The following UMODL1 variants were observed in gnomAD, a reference collection of about 807,000 sequenced individuals.
UMODL1 encodes the protein uromodulin-like 1.
UMODL1 carries 128 observed loss-of-function variants against 136.3 expected under a neutral mutation model. The observed-to-expected ratio is 0.94, with a 90% CI of 0.81 to 1.09. The LOEUF (loss-of-function observed/expected upper bound fraction) is 1.09. Ranked by LOEUF, UMODL1 falls within the 50% of genes least tolerant of loss-of-function variation. UMODL1 has a pLI of 0.00. For missense variants in UMODL1, 1,766 were observed against 1,725.6 expected (o/e 1.02, Z -0.41); for synonymous variants, 721 against 720.0 (o/e 1.00, Z -0.02).
At chr21:42,130,085 A>G (rs1412561589) in intron 21 of UMODL1, among the ~76,000 whole-genome samples, 1 of 152,238 alleles carries the variant, frequency 6.6e-6, no homozygotes, top group Admixed American at 6.5e-5. Context: ...AGGCTTCAAG[A>G]GGCCAGGCAC....
At position 42,123,685 on chromosome 21, in the gene UMODL1, T is replaced by A. The variant is rs2067011559; in HGVS notation, c.3147+535T>A. 1.3e-5 allele frequency among the ~76,000 whole-genome samples: 2 copies of A among 152,014 alleles called. No homozygotes were observed. The highest frequency in any genetic ancestry group is 4.1e-4 in the South Asian group (2 of 4,820). On this transcript the variant is annotated intron_variant, in intron 17 of 22. Transcript: ENST00000408910. This position sits in a 1 kb window ranked among gnomAD's most constrained non-coding sequence, Gnocchi z 4.4. Reference sequence around the variant, plus strand: ...GTGCTTGTGTGCGTGTGGGTGTGCATGCATGTATGAATGTGTGAGTGTGTG... The same window carrying A: ...GTGCTTGTGTGCGTGTGGGTGTGCAAGCATGTATGAATGTGTGAGTGTGTG...
rs200295019 is a variant in UMODL1, at chr21:42,111,309, C to T, written c.1899+188C>T. 557 of 1,392,294 alleles carry T rather than the reference C, an allele frequency of 4.0e-4. No homozygotes were observed. The highest frequency in any genetic ancestry group is 3.9e-3 in the African/African-American group (253 of 64,584). 86.2% of individuals were successfully genotyped at this position (1,392,294 alleles called of 1,614,324 possible). On this transcript the variant is annotated intron_variant, in intron 11 of 22. Transcript: ENST00000408910. The stretch of plus-strand genomic sequence containing the variant: ...CCCAGCCAGCGGAGCACCAGCCACG[C>T]GAACTCCAGCCAGGGGAGCCCCAGC...
intron 5 of UMODL1, among the ~76,000 whole-genome samples, chr21:42,089,041 G>T (rs748460364): frequency 3.3e-5 from 5 of 152,190 alleles, no homozygotes; most frequent in Non-Finnish European, 7.3e-5. Context: ...TCTATGTCAG[G>T]AATTGGCAAG....
intron 1 of UMODL1, among the ~76,000 whole-genome samples, chr21:42,075,050 C>T (rs1042933539): frequency 2.0e-5 from 3 of 152,098 alleles, no homozygotes; most frequent in Non-Finnish European, 4.4e-5. Flanking sequence ...AGGCGCCCAC[C>T]GCCACTCCCG....
intron 5 of UMODL1, among the ~76,000 whole-genome samples, 184 bp from the exon 6 acceptor site, chr21:42,090,114 C>A (rs1209504526): frequency 6.6e-6 from 1 of 152,186 alleles, no homozygotes; most frequent in East Asian, 1.9e-4. Flanking sequence ...TGGCCAGCAG[C>A]CGCACAGGGC....
rs75246258 is a variant in UMODL1, at chr21:42,087,357, G to A, written c.604-937G>A. On this transcript the variant is annotated intron_variant, in intron 4 of 22. Coordinates refer to ENST00000408910, the MANE Select transcript of UMODL1 (RefSeq NM_001004416.3). ...CAGGAAGGGGCTTCAAGTGTGTATC[G>A]GAGGACTCCTGCTCTCCCCAAACCT... Among the ~76,000 whole-genome samples, 564 of 152,240 alleles carry A rather than the reference G, an allele frequency of 3.7e-3. 3 individuals are homozygous for A. Among genetic ancestry groups the A allele is most frequent in the African/African-American group, 0.013 (533 of 41,544 alleles).
At chr21:42,094,074 T>C in intron 6 of UMODL1, 1 of 405,358 alleles carries the variant, frequency 2.5e-6, no homozygotes. Context: ...CGGAAAAATA[T>C]TAGATTCTAT....
chr21:42,076,021 G>A lies in UMODL1; in HGVS notation c.93G>A (p.Leu31=). The A allele has an allele frequency of 6.2e-7, 1 of 1,614,012 alleles. No individual in the cohort carries two copies. Among genetic ancestry groups the A allele is most frequent in the Non-Finnish European group, 8.5e-7 (1 of 1,179,854 alleles). Reference sequence around the variant, plus strand: ...CTCTTTCAGAAAAAGGCCTCTCCCTGTTGGGCTACCAGCTATGCAGCCACC... The same window carrying A: ...CTCTTTCAGAAAAAGGCCTCTCCCTATTGGGCTACCAGCTATGCAGCCACC... ...ASGFTEKGLS[L]LGYQLCSHRV... is the part of the protein sequence containing the mutation. Residue 31 remains leucine (L), a synonymous_variant, in exon 2 of 23, where the codon CTG becomes CTA. Transcript: ENST00000408910.
intron 6 of UMODL1, among the ~76,000 whole-genome samples, chr21:42,093,035 C>T (rs1224302006): frequency 6.6e-6 from 1 of 152,208 alleles, no homozygotes; most frequent in East Asian, 1.9e-4. Context: ...CCCTCGGGGG[C>T]TGCCTTTTGT....
At position 42,084,079 on chromosome 21, in the gene UMODL1, C is replaced by T; in HGVS notation, c.320-5C>T. 6.2e-7 allele frequency: 1 copy of T among 1,610,556 alleles called. No homozygotes were observed. Among genetic ancestry groups the T allele is most frequent in the Non-Finnish European group, 8.5e-7 (1 of 1,177,982 alleles). On this transcript the variant is annotated splice_polypyrimidine_tract_variant and splice_region_variant and intron_variant, in intron 2 of 22. Transcript: ENST00000408910. ...AGTATCATTAATTGTATCATTTTCT[C>T]CCAGCCCTGAATCAGTCCGGGCAGT...
In UMODL1 at chr21:42,099,141, T is replaced by C. The variant is rs756753397; in HGVS notation, c.1147T>C (p.Cys383Arg). Residue 383 changes from cysteine to arginine, a missense_variant, in exon 7 of 23, where the codon TGC (cysteine) becomes CGC (arginine). By Grantham distance (180) the Cys-to-Arg change is radical. Transcript: ENST00000408910. This position sits in a 1 kb window ranked among gnomAD's most constrained non-coding sequence, Gnocchi z 4.1. ...LYRVKTSYQG[C>R]GADVSTTLTI... ...CAGGGTGAAGACCAGCTACCAGGGG[T>C]GCGGGGCCGACGTCTCCACCACGCT... 2 of 1,613,346 alleles carry C rather than the reference T, an allele frequency of 1.2e-6. No homozygotes were observed. Among genetic ancestry groups the C allele is most frequent in the Non-Finnish European group, 8.5e-7 (1 of 1,179,968 alleles).
rs201421393 is a variant in UMODL1, at chr21:42,088,302, C to T, written c.612C>T (p.Ser204=). The change falls in exon 5 of 23, where the codon AGC becomes AGT. Residue 204 remains serine (S), a synonymous_variant. Transcript: ENST00000408910. ...TGATTCTGCCTTCACAGGTCACCAG[C>T]GCCCTGCAACCAATGGCCTCCACCG... ...HMRLLHSLVT[S]ALQPMASTVH... 2.7e-5 allele frequency: 44 copies of T among 1,612,244 alleles called. No individual in the cohort carries two copies. The highest frequency in any genetic ancestry group is 1.3e-4 in the Admixed American group (8 of 59,978).
intron 21 of UMODL1, among the ~76,000 whole-genome samples, chr21:42,134,551 G>A (rs557075670): frequency 2.2e-4 from 33 of 152,044 alleles, no homozygotes; most frequent in African/African-American, 6.5e-4. Flanking sequence ...TCAAACCCCT[G>A]GAAGGGCCCT....
chr21:42,096,563 A>G (rs2066560254), intron 6 of UMODL1, among the ~76,000 whole-genome samples: 1 of 152,218 alleles, frequency 6.6e-6, no homozygotes, highest in African/African-American at 2.4e-5. Context: ...TGCTCCGTTC[A>G]GAAGCACTCC....
rs1200903144 is a variant in UMODL1, at chr21:42,123,858, CTG to C, written c.3147+712_3147+713del. On this transcript the variant is annotated intron_variant, in intron 17 of 22. Transcript: ENST00000408910. This position sits in a 1 kb window ranked among gnomAD's most constrained non-coding sequence, Gnocchi z 4.4. Reference sequence around the variant, plus strand: ...AGTCAGAACTGCTCTGTCGGAGGGACTGTGTTCCTAGCGAACATTCTCTATTT... The same window carrying C: ...AGTCAGAACTGCTCTGTCGGAGGGACTGTTCCTAGCGAACATTCTCTATTT... 6.6e-6 allele frequency among the ~76,000 whole-genome samples: 1 copy of C among 152,188 alleles called. No homozygotes were observed. The highest frequency in any genetic ancestry group is 2.4e-5 in the African/African-American group (1 of 41,440).
intron 19 of UMODL1, 109 bp from the exon 20 acceptor site, chr21:42,127,563 C>G (rs1013388661): frequency 3.1e-6 from 4 of 1,271,778 alleles, no homozygotes; most frequent in Middle Eastern, 2.6e-4. Context: ...TTCCACGGAG[C>G]CTGTGGAATC....
chr21:42,104,439 CTTTTTCTTTTCTTTTCTTTT>C (rs1180307944), intron 9 of UMODL1, among the ~76,000 whole-genome samples: 1 of 150,516 alleles, frequency 6.6e-6, no homozygotes, highest in African/African-American at 2.4e-5. Flanking sequence ...TCTTTTTTTT[CTTTTTCTTTTCTTTTCTTTT>C]TTTTTTTAAG....
At chr21:42,126,241 A>G (rs1386083366) in intron 17 of UMODL1, 104 bp from the exon 18 acceptor site, 1 of 1,506,312 alleles carries the variant, frequency 6.6e-7, no homozygotes, top group East Asian at 2.3e-5. Flanking sequence ...GAGAGGCTTT[A>G]GAGAAGAACC....
At chr21:42,073,623 G>A (rs776449641) in intron 1 of UMODL1, among the ~76,000 whole-genome samples, 4 of 152,172 alleles carry the variant, frequency 2.6e-5, no homozygotes, top group Non-Finnish European at 5.9e-5. Context: ...TTCCCTCACC[G>A]TGTTTGAGGG....
Sources: gnomAD v4.1 joint callset for allele counts (sites outside exome capture counted in the v4.1 genomes callset) on GRCh38, gnomAD v4.1.1 for gene constraint, Gnocchi (gnomAD v3.1) non-coding constraint, MANE v1.5 for transcripts, NCBI Gene and HGNC (gene_info 2026-07-23, HGNC 2026-07-21) for gene names.